The following STEAP1B variants were observed in gnomAD, a reference collection of about 807,000 sequenced individuals.
STEAP1B encodes the protein STEAP family member 1B, also known as STEAP family protein MGC87042.
A neutral mutation model predicts 27.9 loss-of-function variants in STEAP1B; 13 were observed. The ratio of observed to expected loss-of-function variants is 0.47; its 90% CI spans 0.30 to 0.74. The LOEUF (loss-of-function observed/expected upper bound fraction) is 0.74, where lower values mean the gene tolerates loss of function less well. Ranked by LOEUF, STEAP1B falls within the 30% of genes least tolerant of loss-of-function variation. The probability of loss-of-function intolerance (pLI) is 0.06; values close to 1 mark genes in which losing one functional copy is unlikely to be tolerated. For synonymous variants in STEAP1B, 86 were observed against 107.1 expected (o/e 0.80, Z 1.22); for missense variants, 250 against 298.7 (o/e 0.84, Z 1.20).
At chr7:22,497,864 G>A (rs1017180287) in intron 1 of STEAP1B, among the ~76,000 whole-genome samples, 15 of 152,194 alleles carry the variant, frequency 9.9e-5, no homozygotes, top group Admixed American at 6.5e-4. Flanking sequence ...GGGAGCAGGC[G>A]TCTTACATTA....
chr7:22,456,966 A>T lies in STEAP1B; in HGVS notation c.762+35599T>A, dbSNP rs953571531. ...GGGATAGGCAGCTATATATATATAT[A>T]TATATATTTTTTTTTTTTTTAAGTA... is the stretch of plus-strand genomic sequence containing the variant. On this transcript the variant is annotated intron_variant, in intron 4 of 4. Coordinates refer to ENST00000678116, the MANE Select transcript of STEAP1B (RefSeq NM_001382447.1). 2.3e-3 allele frequency among the ~76,000 whole-genome samples: 85 copies of T among 36,792 alleles called. 4 individuals carry two copies. The highest frequency in any genetic ancestry group is 3.7e-3 in the Non-Finnish European group (64 of 17,104). The allele number at this position is 36,792 out of a possible 152,430, so 24.1% of individuals were successfully genotyped here.
chr7:22,482,703 C>G (rs1786103897), intron 4 of STEAP1B, among the ~76,000 whole-genome samples: 1 of 152,188 alleles, frequency 6.6e-6, no homozygotes, highest in African/African-American at 2.4e-5. Context: ...GGGCAATTCT[C>G]CAGAGAATGA....
At chr7:22,426,003 G>A (rs1042926667) in intron 4 of STEAP1B, among the ~76,000 whole-genome samples, 9 of 151,884 alleles carry the variant, frequency 5.9e-5, no homozygotes, top group Non-Finnish European at 1.3e-4. Context: ...TGTCCTTTCT[G>A]CCCAGAGATA....
At chr7:22,438,071 G>A (rs1242462334) in intron 4 of STEAP1B, among the ~76,000 whole-genome samples, 1 of 151,566 alleles carries the variant, frequency 6.6e-6, no homozygotes, top group African/African-American at 2.4e-5. Context: ...TTTTCATTTT[G>A]TCGATCGTTT....
intron 4 of STEAP1B, among the ~76,000 whole-genome samples, chr7:22,492,184 T>C (rs1482304480): frequency 1.3e-5 from 2 of 151,178 alleles, no homozygotes; most frequent in African/African-American, 2.4e-5. Flanking sequence ...CTGGACATGG[T>C]GATGGGTGCC....
At chr7:22,456,133 C>A (rs925133253) in intron 4 of STEAP1B, among the ~76,000 whole-genome samples, 2 of 150,838 alleles carry the variant, frequency 1.3e-5, no homozygotes, top group Non-Finnish European at 2.9e-5. Context: ...GGCAACAGAG[C>A]GAGACTCCAT....
chr7:22,467,645 A>C lies in STEAP1B; in HGVS notation c.762+24920T>G, dbSNP rs950528151. On this transcript the variant is annotated intron_variant, in intron 4 of 4. Transcript: ENST00000678116. ...CAAGATCTGATCATTTTATAAGGGG[A>C]AACCCCTTTTGCTTGGATCTCACTC... is the stretch of plus-strand genomic sequence containing the variant. Among the ~76,000 whole-genome samples the C allele has an allele frequency of 7.2e-5, 11 of 152,086 alleles. 1 individual carries two copies. Among genetic ancestry groups the C allele is most frequent in the Admixed American group, 6.6e-4 (10 of 15,262 alleles).
intron 4 of STEAP1B, among the ~76,000 whole-genome samples, chr7:22,459,371 G>A (rs532844680): frequency 4.2e-4 from 64 of 152,316 alleles, no homozygotes; most frequent in Non-Finnish European, 7.2e-4. Flanking sequence ...TTTCCTTGCA[G>A]TGTTTTGAAT....
intron 4 of STEAP1B, among the ~76,000 whole-genome samples, chr7:22,431,159 C>T (rs1785182416): frequency 6.6e-6 from 1 of 152,126 alleles, no homozygotes; most frequent in Non-Finnish European, 1.5e-5. Context: ...GGCGCAGTAA[C>T]GAAAAACTAC....
chr7:22,478,082 C>T (rs4351336), intron 4 of STEAP1B, among the ~76,000 whole-genome samples: 1 of 151,894 alleles, frequency 6.6e-6, no homozygotes, highest in Non-Finnish European at 1.5e-5. Context: ...GTGGGGTGGG[C>T]GCTCAGGGGA....
At chr7:22,423,132 T>G (rs1240361206) in intron 4 of STEAP1B, among the ~76,000 whole-genome samples, 1 of 152,132 alleles carries the variant, frequency 6.6e-6, no homozygotes, top group African/African-American at 2.4e-5. Context: ...CAATGACAAG[T>G]GCTGGCAAGG....
At chr7:22,487,893 T>G (rs986852725) in intron 4 of STEAP1B, among the ~76,000 whole-genome samples, 2 of 148,256 alleles carry the variant, frequency 1.3e-5, no homozygotes, top group African/African-American at 5.0e-5. Flanking sequence ...AGAATACAAG[T>G]AAAATATAAA....
rs56679156 is a variant in STEAP1B, at chr7:22,492,319, CAAAAAA to C, written c.762+240_762+245del. Reference sequence around the variant, plus strand: ...GGGCAACAGAGCGAGACTTCATCTCCAAAAAAAAAAAAAAAAAAAAAAAAAAAAGGA... The same window carrying C: ...GGGCAACAGAGCGAGACTTCATCTCCAAAAAAAAAAAAAAAAAAAAAAGGA... On this transcript the variant is annotated intron_variant, in intron 4 of 4. Transcript: ENST00000678116. 8.5e-3 allele frequency: 463 copies of C among 54,774 alleles called. 2 individuals are homozygous for C. The highest frequency in any genetic ancestry group is 0.033 in the African/African-American group (355 of 10,714). 3.4% of individuals were successfully genotyped at this position (54,774 alleles called of 1,614,324 possible).
At chr7:22,481,933 G>A (rs1009508304) in intron 4 of STEAP1B, among the ~76,000 whole-genome samples, 4 of 152,228 alleles carry the variant, frequency 2.6e-5, no homozygotes, top group African/African-American at 4.8e-5. Context: ...CTGTTGGCAC[G>A]TGTTTCCATG....
intron 4 of STEAP1B, among the ~76,000 whole-genome samples, chr7:22,484,858 T>A (rs1456999141): frequency 6.6e-6 from 1 of 152,142 alleles, no homozygotes; most frequent in South Asian, 2.1e-4. Flanking sequence ...ATGGATGACT[T>A]TGAGGGGTTC....
intron 4 of STEAP1B, among the ~76,000 whole-genome samples, chr7:22,460,058 C>T (rs1477919082): frequency 6.6e-6 from 1 of 152,028 alleles, no homozygotes; most frequent in Non-Finnish European, 1.5e-5. Flanking sequence ...ACCTATAATC[C>T]TAGCGCTCTG....
At chr7:22,446,614 C>G (rs1202314949) in intron 4 of STEAP1B, among the ~76,000 whole-genome samples, 1 of 152,246 alleles carries the variant, frequency 6.6e-6, no homozygotes, top group African/African-American at 2.4e-5. Context: ...TAGAACCACT[C>G]TGATGGACAC....
rs1348957007 is a variant in STEAP1B at position 22,497,075 on chromosome 7, G to T, written c.-31-2189C>A. On this transcript the variant is annotated intron_variant, in intron 1 of 4. Transcript: ENST00000678116. ...TCCTCCCTCCAATGTGATTTTGGGA[G>T]ATTGTGCAAAATAGTAACACTCATT... Among the ~76,000 whole-genome samples, 4 of 152,320 alleles carry T rather than the reference G, an allele frequency of 2.6e-5. No homozygotes were observed. In the East Asian group the frequency reaches 7.7e-4, roughly 29 times the overall value.
intron 4 of STEAP1B, among the ~76,000 whole-genome samples, chr7:22,468,442 G>A (rs1008615749): frequency 6.6e-6 from 1 of 152,124 alleles, no homozygotes; most frequent in African/African-American, 2.4e-5. Flanking sequence ...TATACTGCTG[G>A]TGGAAATGCA....
Sources: allele counts gnomAD v4.1 joint callset (sites outside exome capture counted in the v4.1 genomes callset), GRCh38; gene constraint gnomAD v4.1.1; transcripts MANE v1.5; gene names NCBI Gene and HGNC (gene_info 2026-07-23, HGNC 2026-07-21).